The following RHBDL3 variants were observed in gnomAD, a reference collection of about 807,000 sequenced individuals.
The protein encoded by RHBDL3 is rhomboid like 3.
Under a neutral mutation model 48.2 loss-of-function variants are expected in RHBDL3, and 28 were observed. That is an observed-to-expected ratio of 0.58 (90% CI 0.43 to 0.80). The LOEUF (loss-of-function observed/expected upper bound fraction) is 0.80. Among genes scored for constraint, RHBDL3 ranks in the 30% least tolerant of loss-of-function variants. RHBDL3 has a pLI of 0.00. For missense variants in RHBDL3, 464 were observed against 542.7 expected (o/e 0.85, Z 1.44); for synonymous variants, 208 against 232.3 (o/e 0.90, Z 0.95).
chr17:32,303,985 C>T (rs73984517), intron 6 of RHBDL3, among the ~76,000 whole-genome samples: 253 of 152,330 alleles, frequency 1.7e-3, no homozygotes, highest in African/African-American at 5.9e-3. Flanking sequence ...CCAGGCCAGC[C>T]ACCTCTCATC....
intron 6 of RHBDL3, among the ~76,000 whole-genome samples, chr17:32,299,699 A>G (rs1405193851): frequency 6.6e-6 from 1 of 152,210 alleles, no homozygotes. Flanking sequence ...TGCAGTGGGG[A>G]GACAGAGTAG....
intron 7 of RHBDL3, among the ~76,000 whole-genome samples, chr17:32,306,559 G>A (rs1428854251): frequency 6.6e-6 from 1 of 152,188 alleles, no homozygotes; most frequent in East Asian, 1.9e-4. Context: ...GTCAGCCTAG[G>A]TCTAAATCCC....
intron 2 of RHBDL3, among the ~76,000 whole-genome samples, chr17:32,279,543 C>T (rs1181967941): frequency 5.3e-5 from 8 of 152,234 alleles, no homozygotes; most frequent in African/African-American, 1.9e-4. Context: ...ACCCAAATGA[C>T]CCCGGCCCTT....
chr17:32,281,273 G>C (rs1183570621), intron 2 of RHBDL3, among the ~76,000 whole-genome samples: 3 of 152,098 alleles, frequency 2.0e-5, no homozygotes, highest in African/African-American at 7.2e-5. Flanking sequence ...GCACTGGAGG[G>C]GGAGATTGAG....
chr17:32,267,019 C>T (rs1244147624), intron 1 of RHBDL3, among the ~76,000 whole-genome samples: 1 of 152,110 alleles, frequency 6.6e-6, no homozygotes, highest in Non-Finnish European at 1.5e-5. Flanking sequence ...CCTGCGAAGC[C>T]CTGGGAACTG....
intron 2 of RHBDL3, among the ~76,000 whole-genome samples, chr17:32,279,803 A>T (rs1225013368): frequency 3.3e-5 from 5 of 152,112 alleles, no homozygotes; most frequent in Non-Finnish European, 7.4e-5. Flanking sequence ...ACTACCCAAG[A>T]TGGCACAACA....
At chr17:32,304,538 G>A (rs1208246381) in intron 6 of RHBDL3, among the ~76,000 whole-genome samples, 1 of 152,206 alleles carries the variant, frequency 6.6e-6, no homozygotes, top group Non-Finnish European at 1.5e-5. Flanking sequence ...CAGGAATGAG[G>A]CTACTGGCGC....
At chr17:32,277,283 A>G (rs2039935188) in intron 2 of RHBDL3, among the ~76,000 whole-genome samples, 1 of 152,236 alleles carries the variant, frequency 6.6e-6, no homozygotes, top group South Asian at 2.1e-4. Flanking sequence ...GGAGGCAGAG[A>G]CCAGACGTGT....
intron 6 of RHBDL3, among the ~76,000 whole-genome samples, chr17:32,301,362 G>A (rs1341515775): frequency 5.3e-5 from 8 of 150,898 alleles, no homozygotes; most frequent in African/African-American, 1.7e-4. Flanking sequence ...GTGGCCAGAA[G>A]TCAAGACCAG....
chr17:32,287,089 T>A (rs1168538444), intron 3 of RHBDL3, among the ~76,000 whole-genome samples: 2 of 152,258 alleles, frequency 1.3e-5, no homozygotes, highest in Non-Finnish European at 2.9e-5. Context: ...ATAACTATGA[T>A]GGCACCCTTT....
chr17:32,313,450 C>A (rs2040891044), intron 7 of RHBDL3, among the ~76,000 whole-genome samples: 2 of 152,194 alleles, frequency 1.3e-5, no homozygotes, highest in South Asian at 4.1e-4. Flanking sequence ...TTTAAATGTA[C>A]AGTTCAATGG....
chr17:32,269,590 A>G (rs2039722394), intron 2 of RHBDL3, among the ~76,000 whole-genome samples: 1 of 152,182 alleles, frequency 6.6e-6, no homozygotes, highest in Non-Finnish European at 1.5e-5. Flanking sequence ...TGACGGGTAG[A>G]GCATCTCTCC....
chr17:32,285,117 G>GGAGGGAGGGAGGGAGA (rs1567769879), intron 3 of RHBDL3, among the ~76,000 whole-genome samples: 1 of 151,206 alleles, frequency 6.6e-6, no homozygotes, highest in Non-Finnish European at 1.5e-5. Context: ...CTTGCAGAAG[G>GGAGGGAGGGAGGGAGA]GAGGGAGGGA....
chr17:32,286,981 C>T (rs1430797111), intron 3 of RHBDL3, among the ~76,000 whole-genome samples: 1 of 152,180 alleles, frequency 6.6e-6, no homozygotes, highest in Non-Finnish European at 1.5e-5. Context: ...TGAATCCTGA[C>T]TCTGTGGTTT....
At chr17:32,317,856 A>G (rs1387481465) in intron 8 of RHBDL3, among the ~76,000 whole-genome samples, 8 of 152,152 alleles carry the variant, frequency 5.3e-5, no homozygotes, top group African/African-American at 1.9e-4. Flanking sequence ...GGATAAGACC[A>G]AAGACCAAAG....
chr17:32,265,952 G>T lies in RHBDL3; in HGVS notation c.-238G>T, dbSNP rs1218542378. Among the ~76,000 whole-genome samples, 2 of 146,740 alleles carry T rather than the reference G, an allele frequency of 1.4e-5. No individual in the cohort carries two copies. Among genetic ancestry groups the T allele is most frequent in the Non-Finnish European group, 3.0e-5 (2 of 65,918 alleles). ...GGCCGGGGCGGAGGCGGAGGCCGGC[G>T]GGGCAGCTAGCGCAGTGAAGTTTGG... is the stretch of plus-strand genomic sequence containing the variant. On this transcript the variant is annotated 5_prime_UTR_variant, in exon 1 of 9. Transcript: ENST00000269051.
At chr17:32,283,457 G>A (rs961080494) in intron 2 of RHBDL3, among the ~76,000 whole-genome samples, 11 of 151,380 alleles carry the variant, frequency 7.3e-5, no homozygotes, top group African/African-American at 2.7e-4. Flanking sequence ...CCGAGTAGCT[G>A]GGACTACAGG....
chr17:32,298,180 G>A lies in RHBDL3; in HGVS notation c.757G>A (p.Val253Ile), dbSNP rs768826896. 3 of 1,613,806 alleles carry A rather than the reference G, an allele frequency of 1.9e-6. No homozygotes were observed. The highest frequency in any genetic ancestry group is 1.1e-5 in the South Asian group (1 of 91,054). Residue 253 changes from valine (V) to isoleucine (I), a missense_variant, in exon 6 of 9, where the codon GTC becomes ATC. Coordinates refer to ENST00000269051, the MANE Select transcript of RHBDL3 (RefSeq NM_138328.3). ...GCATGGAGCCACCCGAATTGGGCTTGTCTACGTGGCCGGTGTTGTGGCAGG... is the reference window on the plus strand; with the variant it reads ...GCATGGAGCCACCCGAATTGGGCTTATCTACGTGGCCGGTGTTGTGGCAGG... ...MVHGATRIGLVYVAGVVAGSL... is the reference protein window; with the variant it reads ...MVHGATRIGLIYVAGVVAGSL...
At chr17:32,276,500 G>T (rs990905118) in intron 2 of RHBDL3, among the ~76,000 whole-genome samples, 2 of 152,134 alleles carry the variant, frequency 1.3e-5, no homozygotes, top group African/African-American at 4.8e-5. Flanking sequence ...GTTGGGTGGG[G>T]AGAGCTCTGC....
Sources: gnomAD v4.1 joint callset for allele counts (sites outside exome capture counted in the v4.1 genomes callset) on GRCh38, gnomAD v4.1.1 for gene constraint, MANE v1.5 for transcripts, NCBI Gene and HGNC (gene_info 2026-07-23, HGNC 2026-07-21) for gene names.